SS18: variants seen among roughly 807,000 people sequenced by gnomAD.
SS18 encodes protein SSXT.
In SS18, 28 loss-of-function variants were observed where a neutral mutation model predicts 72.5. The observed-to-expected ratio is 0.39, with a 90% CI of 0.29 to 0.53. SS18 has a LOEUF of 0.53. Among genes scored for constraint, SS18 ranks in the 20% least tolerant of loss-of-function variants. The pLI, the probability that SS18 is intolerant of heterozygous loss-of-function variation, is 0.76. For missense variants in SS18, 518 were observed against 535.3 expected (o/e 0.97, Z 0.32); for synonymous variants, 172 against 164.2 (o/e 1.05, Z -0.37).
chr18:26,026,836 G>A (rs981174393), intron 10 of SS18, among the ~76,000 whole-genome samples: 1 of 151,824 alleles, frequency 6.6e-6, no homozygotes, highest in Non-Finnish European at 1.5e-5. Flanking sequence ...GTATATACTA[G>A]CAACTAATAA....
chr18:26,020,021 CAG>C (rs1172053844), intron 10 of SS18, among the ~76,000 whole-genome samples: 5 of 151,998 alleles, frequency 3.3e-5, no homozygotes, highest in Admixed American at 6.6e-5. Context: ...GATGGGTACA[CAG>C]GGGTTCACTA....
At chr18:26,073,691 T>C (rs552143457) in intron 3 of SS18, among the ~76,000 whole-genome samples, 2 of 152,292 alleles carry the variant, frequency 1.3e-5, no homozygotes, top group South Asian at 2.1e-4. Context: ...AAAATGTGCT[T>C]GATGAAGCAG....
chr18:26,061,211 G>A (rs2054118577), intron 3 of SS18, among the ~76,000 whole-genome samples: 1 of 151,986 alleles, frequency 6.6e-6, no homozygotes, highest in Admixed American at 6.6e-5. Flanking sequence ...TATTAGAGAG[G>A]CTGAGACAGG....
intron 3 of SS18, among the ~76,000 whole-genome samples, chr18:26,060,079 C>T (rs576526183): frequency 3.7e-4 from 56 of 152,244 alleles, no homozygotes; most frequent in African/African-American, 1.3e-3. Flanking sequence ...CACACATTCA[C>T]GCAAAATTTC....
intron 4 of SS18, among the ~76,000 whole-genome samples, chr18:26,053,890 T>C (rs1028780035): frequency 6.6e-6 from 1 of 152,168 alleles, no homozygotes; most frequent in African/African-American, 2.4e-5. Context: ...GCTTGTGGAA[T>C]CAAGGGTGGG....
chr18:26,087,035 G>C (rs1303371139), intron 2 of SS18, among the ~76,000 whole-genome samples: 1 of 152,118 alleles, frequency 6.6e-6, no homozygotes, highest in Non-Finnish European at 1.5e-5. Context: ...ATCACCGATG[G>C]ATAAATAAAA....
chr18:26,084,441 GAGAA>G (rs1235156819), intron 2 of SS18, among the ~76,000 whole-genome samples: 4 of 152,116 alleles, frequency 2.6e-5, no homozygotes, highest in Non-Finnish European at 1.5e-5. Context: ...GAAGTATGAT[GAGAA>G]ACAATGTAAA....
Position 26,017,933 on chromosome 18 carries a change from T to C in SS18, c.*421A>G. 1.2e-5 allele frequency: 3 copies of C among 240,432 alleles called. No individual in the cohort carries two copies. Among genetic ancestry groups the C allele is most frequent in the Non-Finnish European group, 2.4e-5 (3 of 122,586 alleles). The allele number at this position is 240,432 out of a possible 1,614,324, so 14.9% of individuals were successfully genotyped here. A position where few individuals can be genotyped will look rare whatever the true frequency, so the allele number is the denominator to read the frequency against. ...TATTCACCACATGAAATAAACATAA[T>C]ATACAAAATATTGCTGCTGTAAAAA... On this transcript the variant is annotated 3_prime_UTR_variant, in exon 11 of 11. Transcript: ENST00000415083.
In SS18 at chr18:26,035,604, A is replaced by T. The variant is rs186478752; in HGVS notation, c.973+227T>A. ...TTCCACTGAGGAAAAAATTATCTTT[A>T]ATGTTTTAGTCTTTTTATTATTGTT... On this transcript the variant is annotated intron_variant, in intron 8 of 10. Transcript: ENST00000415083. The surrounding 1 kb of genome is among the most constrained non-coding windows in gnomAD (Gnocchi z 4.4). 1.1e-5 allele frequency: 4 copies of T among 376,926 alleles called. No individual in the cohort carries two copies. The highest frequency in any genetic ancestry group is 4.2e-5 in the African/African-American group (2 of 48,078). 23.3% of individuals were successfully genotyped at this position (376,926 alleles called of 1,614,324 possible). A position where few individuals can be genotyped will look rare whatever the true frequency, so the allele number is the denominator to read the frequency against.
rs544229361 is a variant in SS18 at position 26,077,400 on chromosome 18, C to T, written c.231+676G>A. ...AAAGGACCATGAGAATACAATTAGC[C>T]AAATGCAGAATGTTAAAAATTCTAC... On this transcript the variant is annotated intron_variant, in intron 3 of 10. Transcript: ENST00000415083. Among the ~76,000 whole-genome samples the T allele has an allele frequency of 2.0e-4, 30 of 152,070 alleles. 1 individual carries two copies. In the South Asian group the frequency reaches 5.8e-3, roughly 29 times the overall value.
intron 3 of SS18, among the ~76,000 whole-genome samples, chr18:26,058,703 G>C (rs1344086075): frequency 1.3e-5 from 2 of 152,118 alleles, no homozygotes; most frequent in Admixed American, 1.3e-4. Flanking sequence ...CCTCCAAACA[G>C]TTAATAATCA....
At position 26,035,919 on chromosome 18, in the gene SS18, A is replaced by G; in HGVS notation, c.885T>C (p.His295=). 1 of 1,595,722 alleles carries G rather than the reference A, an allele frequency of 6.3e-7. No homozygotes were observed. The highest frequency in any genetic ancestry group is 8.6e-7 in the Non-Finnish European group (1 of 1,168,476). ...GMNQQYYPDG[H]NDYGYQQPSY... ...ACGGTTGCTGATAACCGTAATCATT[A>G]TGACCTACATCAATTCGACAAGAGA... Residue 295 remains histidine, a synonymous_variant, in exon 8 of 11, where the codon CAT becomes CAC. Coordinates refer to ENST00000415083, the MANE Select transcript of SS18 (RefSeq NM_001007559.3). The surrounding 1 kb of genome is among the most constrained non-coding windows in gnomAD (Gnocchi z 4.4).
chr18:26,049,984 CGCCTGT>C, intron 5 of SS18, among the ~76,000 whole-genome samples: 2 of 152,310 alleles, frequency 1.3e-5, no homozygotes, highest in Non-Finnish European at 1.5e-5. Flanking sequence ...CAGTGGCTTG[CGCCTGT>C]AATCCCAACA....
chr18:26,050,756 A>C (rs2053907872), intron 5 of SS18, among the ~76,000 whole-genome samples: 1 of 152,050 alleles, frequency 6.6e-6, no homozygotes, highest in African/African-American at 2.4e-5. Context: ...ATACAAAAAA[A>C]AAATTAGCCG....
At position 26,080,495 on chromosome 18, in the gene SS18, A is replaced by C. The variant is rs955665141; in HGVS notation, c.147-2335T>G. 6 of 371,840 alleles carry C rather than the reference A, an allele frequency of 1.6e-5. No homozygotes were observed. The East Asian group carries it at 8.3e-4, about 51-fold the overall frequency. 23.0% of individuals were successfully genotyped at this position (371,840 alleles called of 1,614,324 possible). ...CCAGTGTGAAACTACTATTACATCT[A>C]ATCTGCCACACTCTTAAGGTCTCAT... On this transcript the variant is annotated intron_variant, in intron 2 of 10. Transcript: ENST00000415083.
In SS18 at chr18:26,016,617, G is replaced by C. The variant is rs2053256357; in HGVS notation, c.*1737C>G. The C allele has an allele frequency of 5.4e-6, 1 of 185,316 alleles. No homozygotes were observed. Among genetic ancestry groups the C allele is most frequent in the Non-Finnish European group, 1.1e-5 (1 of 87,628 alleles). The allele number at this position is 185,316 out of a possible 1,614,324, so 11.5% of individuals were successfully genotyped here. On this transcript the variant is annotated 3_prime_UTR_variant, in exon 11 of 11. Transcript: ENST00000415083. Reference sequence around the variant, plus strand: ...GGGTGCCTGTCATCCCAGCTACTCAGGAGGCTGAGGCAGGAGAACTGCTTG... The same window carrying C: ...GGGTGCCTGTCATCCCAGCTACTCACGAGGCTGAGGCAGGAGAACTGCTTG...
At chr18:26,067,805 T>C (rs745480818) in intron 3 of SS18, among the ~76,000 whole-genome samples, 7 of 152,152 alleles carry the variant, frequency 4.6e-5, no homozygotes, top group Non-Finnish European at 8.8e-5. Context: ...AAAAGACCAG[T>C]GGTCCCCAAC....
intron 3 of SS18, among the ~76,000 whole-genome samples, chr18:26,077,059 A>C (rs1184592659): frequency 2.0e-5 from 3 of 151,998 alleles, no homozygotes; most frequent in African/African-American, 7.2e-5. Context: ...GGATTATAGA[A>C]TTAGAAATTC....
At chr18:26,065,813 A>ATATATATATATATATATATC (rs1487207567) in intron 3 of SS18, among the ~76,000 whole-genome samples, 1 of 114,282 alleles carries the variant, frequency 8.8e-6, no homozygotes, top group Admixed American at 9.9e-5. Context: ...ATATATATAT[A>ATATATATATATATATATATC]TATATATATA....
Sources: allele counts gnomAD v4.1 joint callset (sites outside exome capture counted in the v4.1 genomes callset), GRCh38; gene constraint gnomAD v4.1.1; non-coding constraint Gnocchi (gnomAD v3.1); transcripts MANE v1.5; gene names NCBI Gene and HGNC (gene_info 2026-07-23, HGNC 2026-07-21).